HPSE2: variants seen among roughly 807,000 people sequenced by gnomAD.
The protein encoded by HPSE2 is inactive heparanase-2.
A neutral mutation model predicts 60.5 loss-of-function variants in HPSE2; 38 were observed. The ratio of observed to expected loss-of-function variants is 0.63; its 90% confidence interval spans 0.48 to 0.82. HPSE2 has a LOEUF of 0.82. HPSE2 is among the 40% of genes least tolerant of loss of function. The pLI is 0.00. For missense variants in HPSE2, 713 were observed against 740.4 expected (o/e 0.96, Z 0.43); for synonymous variants, 295 against 293.2 (o/e 1.01, Z -0.06).
At chr10:98,902,821 G>A (rs567692536) in intron 3 of HPSE2, among the ~76,000 whole-genome samples, 8 of 152,150 alleles carry the variant, frequency 5.3e-5, no homozygotes, top group African/African-American at 1.9e-4. Flanking sequence ...ATGTTAAAAG[G>A]CACCAAAAAT....
At chr10:98,824,409 C>T (rs1056806926) in intron 3 of HPSE2, among the ~76,000 whole-genome samples, 3 of 152,174 alleles carry the variant, frequency 2.0e-5, no homozygotes, top group Admixed American at 6.5e-5. Context: ...TTTTAATTCA[C>T]TAAAATGTTA....
intron 3 of HPSE2, among the ~76,000 whole-genome samples, chr10:98,820,971 A>G (rs1951411093): frequency 6.6e-6 from 1 of 152,184 alleles, no homozygotes; most frequent in African/African-American, 2.4e-5. Context: ...TTCTCACTGC[A>G]ATACTCTTAA....
chr10:98,523,956 G>C (rs56256571), intron 9 of HPSE2, among the ~76,000 whole-genome samples: 1 of 152,118 alleles, frequency 6.6e-6, no homozygotes, highest in African/African-American at 2.4e-5. Context: ...CAATAGCTTA[G>C]GGGCCTTTCA....
intron 9 of HPSE2, among the ~76,000 whole-genome samples, chr10:98,587,878 C>CT (rs1170815406): frequency 6.6e-6 from 1 of 152,168 alleles, no homozygotes; most frequent in Non-Finnish European, 1.5e-5. Flanking sequence ...ATGTTTTAAA[C>CT]TTTTTAAAAT....
At chr10:99,016,000 T>C (rs969304078) in intron 3 of HPSE2, among the ~76,000 whole-genome samples, 2 of 152,192 alleles carry the variant, frequency 1.3e-5, no homozygotes, top group South Asian at 4.1e-4. Flanking sequence ...CTATTTACTC[T>C]GTTAATAGTT....
At chr10:98,703,942 A>G (rs1948478126) in intron 5 of HPSE2, among the ~76,000 whole-genome samples, 1 of 152,166 alleles carries the variant, frequency 6.6e-6, no homozygotes, top group South Asian at 2.1e-4. Context: ...GAAAGAAATA[A>G]AGAGTATTCA....
chr10:98,502,446 G>C (rs763547648), intron 9 of HPSE2, among the ~76,000 whole-genome samples: 1 of 152,110 alleles, frequency 6.6e-6, no homozygotes, highest in Non-Finnish European at 1.5e-5. Context: ...AAATAAAGAG[G>C]GGAAACGTTA....
intron 9 of HPSE2, among the ~76,000 whole-genome samples, chr10:98,604,969 T>C (rs966277394): frequency 6.6e-6 from 1 of 152,182 alleles, no homozygotes; most frequent in African/African-American, 2.4e-5. Context: ...AAGGCCTTCC[T>C]GCCTTCCTGC....
chr10:99,135,773 T>C (rs1845623072), intron 3 of HPSE2, among the ~76,000 whole-genome samples: 1 of 152,084 alleles, frequency 6.6e-6, no homozygotes, highest in Admixed American at 6.6e-5. Flanking sequence ...TAAAACAATT[T>C]AAATTCTTTT....
the HPSE2 span, among the ~76,000 whole-genome samples, chr10:99,313,602 T>TTTTC: frequency 1.5e-5 from 2 of 129,154 alleles, no homozygotes; most frequent in East Asian, 4.4e-4. Context: ...ATTTTTTTTT[T>TTTTC]TTTTTTTTTT....
intron 11 of HPSE2, among the ~76,000 whole-genome samples, chr10:98,460,882 G>C (rs970899160): frequency 3.3e-5 from 5 of 152,224 alleles, no homozygotes; most frequent in African/African-American, 7.2e-5. Flanking sequence ...TGTTCCAGCT[G>C]TTCCTGACAG....
intron 3 of HPSE2, among the ~76,000 whole-genome samples, chr10:98,799,140 C>T (rs1272708488): frequency 6.6e-6 from 1 of 152,040 alleles, no homozygotes. Flanking sequence ...GAGAGTCATA[C>T]TTATATCAGA....
At chr10:99,071,073 TTTTTTTTTTTTTTGAGATGGA>T (rs1199140956) in intron 3 of HPSE2, among the ~76,000 whole-genome samples, 1 of 150,264 alleles carries the variant, frequency 6.7e-6, no homozygotes, top group Non-Finnish European at 1.5e-5. Context: ...TTAATTCTTT[TTTTTTTTTTTTTTGAGATGGA>T]GTCTCACTCT....
Position 98,811,706 on chromosome 10 carries a change from C to A in HPSE2, c.611-67650G>T, listed in dbSNP as rs184929136. On this transcript the variant is annotated intron_variant, in intron 3 of 11. Coordinates refer to ENST00000370552, the MANE Select transcript of HPSE2 (RefSeq NM_021828.5). ...ATTAGAATAAACTTGTTGATTTTGACCAAAAAAATCCTTCTGGATTTTGAA... is the reference window on the plus strand; with the variant it reads ...ATTAGAATAAACTTGTTGATTTTGAACAAAAAAATCCTTCTGGATTTTGAA... Among the ~76,000 whole-genome samples the A allele has an allele frequency of 7.7e-4, 117 of 152,192 alleles. 1 individual carries two copies. Among genetic ancestry groups the A allele is most frequent in the South Asian group, 6.8e-3 (33 of 4,828 alleles).
At chr10:99,248,972 C>T in the HPSE2 span, among the ~76,000 whole-genome samples, 1 of 152,200 alleles carries the variant, frequency 6.6e-6, no homozygotes, top group Non-Finnish European at 1.5e-5. Context: ...GCTTGGAAAC[C>T]TTGAGCTAGA....
chr10:98,736,208 G>T (rs956719668), intron 4 of HPSE2, among the ~76,000 whole-genome samples: 1 of 55,584 alleles, frequency 1.8e-5, no homozygotes. Flanking sequence ...TTCCCCTTTT[G>T]CTTGGTTTTT....
chr10:98,890,482 C>T (rs1268709409), intron 3 of HPSE2, among the ~76,000 whole-genome samples: 1 of 151,954 alleles, frequency 6.6e-6, no homozygotes, highest in Non-Finnish European at 1.5e-5. Flanking sequence ...ATGATTTTAA[C>T]TATATAAAAT....
At chr10:98,758,235 C>G (rs1040668968) in intron 3 of HPSE2, among the ~76,000 whole-genome samples, 1 of 151,166 alleles carries the variant, frequency 6.6e-6, no homozygotes, top group African/African-American at 2.4e-5. Flanking sequence ...TATAAAAACC[C>G]TAGAAAAAGA....
intron 9 of HPSE2, among the ~76,000 whole-genome samples, chr10:98,552,084 G>T (rs1343899090): frequency 4.6e-5 from 7 of 152,310 alleles, no homozygotes; most frequent in African/African-American, 1.4e-4. Context: ...GATGAGGAGA[G>T]GGACCTGACT....
Sources: gnomAD v4.1 joint callset for allele counts (sites outside exome capture counted in the v4.1 genomes callset) on GRCh38, gnomAD v4.1.1 for gene constraint, MANE v1.5 for transcripts, NCBI Gene and HGNC (gene_info 2026-07-23, HGNC 2026-07-21) for gene names.